Variants in CWC22 observed in about 807,000 individuals in gnomAD.
CWC22 encodes the protein CWC22 spliceosome associated protein, also known as pre-mRNA-splicing factor CWC22 homolog.
A neutral mutation model predicts 117.2 loss-of-function variants in CWC22; 53 were observed. The observed-to-expected ratio is 0.45, with a 90% CI of 0.36 to 0.57. The LOEUF (loss-of-function observed/expected upper bound fraction) is 0.57, where lower values mean the gene tolerates loss of function less well. Among genes scored for constraint, CWC22 ranks in the 20% least tolerant of loss-of-function variants. The probability of loss-of-function intolerance (pLI) is 0.00; values close to 1 mark genes in which losing one functional copy is unlikely to be tolerated. For synonymous variants in CWC22, 360 were observed against 355.6 expected (o/e 1.01, Z -0.14); for missense variants, 980 against 1,068.8 (o/e 0.92, Z 1.16).
intron 15 of CWC22, among the ~76,000 whole-genome samples, chr2:179,954,607 A>G (rs1177267621): frequency 6.6e-6 from 1 of 152,064 alleles, no homozygotes; most frequent in Non-Finnish European, 1.5e-5. Context: ...TAGAGCTTAA[A>G]GAAATATTTT....
Position 179,970,791 on chromosome 2 carries a change from T to C in CWC22, c.1006A>G (p.Ile336Val). 1.2e-6 allele frequency: 2 copies of C among 1,613,782 alleles called. No homozygotes were observed. The highest frequency in any genetic ancestry group is 1.7e-6 in the Non-Finnish European group (2 of 1,179,746). Residue 336 changes from isoleucine to valine, a missense_variant, in exon 10 of 20, where the codon ATT (isoleucine) becomes GTT (valine). By Grantham distance (29) the Ile-to-Val change is conservative (BLOSUM62 3). Transcript: ENST00000410053. ...TTCCGTACAGCAAACATCACTTCAA[T>C]CATATATTGAACTCTTTTGTCAATT... ...SEIDKRVQYM[I>V]EVMFAVRKDG...
At chr2:179,977,023 G>GT (rs1687171122) in intron 6 of CWC22, among the ~76,000 whole-genome samples, 2 of 152,112 alleles carry the variant, frequency 1.3e-5, no homozygotes, top group South Asian at 4.1e-4. Flanking sequence ...CAGTGTGGTG[G>GT]TGAGTGCTTG....
chr2:179,964,655 A>G lies in CWC22; in HGVS notation c.1316-27T>C, dbSNP rs16867124. The G allele has an allele frequency of 4.7e-3, 5,594 of 1,194,494 alleles. 194 individuals carry two copies. The African/African-American group carries it at 0.073, about 16-fold the overall frequency. The allele number at this position is 1,194,494 out of a possible 1,614,324, so 74.0% of individuals were successfully genotyped here. On this transcript the variant is annotated intron_variant, in intron 12 of 19. Coordinates refer to ENST00000410053, the MANE Select transcript of CWC22 (RefSeq NM_020943.3). ...TGAAAGAAACATAACAAAATTACAC[A>G]ACTGCAAAAATAAATGTGATGAAGT...
At chr2:179,986,386 A>G (rs192279093) in intron 4 of CWC22, among the ~76,000 whole-genome samples, 433 of 152,266 alleles carry the variant, frequency 2.8e-3, no homozygotes, top group African/African-American at 8.8e-3. Flanking sequence ...GGTACAATAC[A>G]ATGAATGAGC....
chr2:179,984,165 C>T (rs112133253), intron 4 of CWC22, among the ~76,000 whole-genome samples: 315 of 152,148 alleles, frequency 2.1e-3, no homozygotes, highest in African/African-American at 7.0e-3. Context: ...GTGAAAAATA[C>T]AGAAGCTTTG....
At chr2:179,982,102 A>C in intron 4 of CWC22, 105 bp from the exon 5 acceptor site, 1 of 654,760 alleles carries the variant, frequency 1.5e-6, no homozygotes, top group South Asian at 2.0e-5. Context: ...CCACAAATTC[A>C]GACTAGGAAA....
chr2:179,982,588 T>C (rs1234690984), intron 4 of CWC22, among the ~76,000 whole-genome samples: 1 of 152,238 alleles, frequency 6.6e-6, no homozygotes. Flanking sequence ...ATATTTGAAG[T>C]TGTTTCTTGA....
chr2:179,952,468 T>G lies in CWC22; in HGVS notation c.1817+3A>C. On this transcript the variant is annotated splice_donor_region_variant and intron_variant, in intron 17 of 19. Transcript: ENST00000410053. ...AATAAAAAGTGCTTAATGGCAAACTTACTCATCCTTTAATCTTGCATTAAG... is the reference window on the plus strand; with the variant it reads ...AATAAAAAGTGCTTAATGGCAAACTGACTCATCCTTTAATCTTGCATTAAG... 1 of 1,554,402 alleles carries G rather than the reference T, an allele frequency of 6.4e-7. No individual in the cohort carries two copies. The highest frequency in any genetic ancestry group is 8.7e-7 in the Non-Finnish European group (1 of 1,151,852).
intron 1 of CWC22, among the ~76,000 whole-genome samples, chr2:179,996,395 AT>A (rs1470782903): frequency 3.3e-5 from 5 of 152,208 alleles, no homozygotes; most frequent in African/African-American, 4.8e-5. Context: ...AAACTGAAAA[AT>A]ATATGAAATA....
chr2:179,970,393 C>G, intron 11 of CWC22, 108 bp downstream of exon 11: 1 of 1,112,612 alleles, frequency 9.0e-7, no homozygotes, highest in Non-Finnish European at 1.3e-6. Flanking sequence ...TTTATAAGAG[C>G]AGCGATTCAT....
chr2:180,004,808 A>G lies in CWC22; in HGVS notation c.-114+2059T>C, dbSNP rs148482103. On this transcript the variant is annotated intron_variant, in intron 1 of 19. Coordinates refer to ENST00000410053, the MANE Select transcript of CWC22 (RefSeq NM_020943.3). ...GTAGTCTAGGAAGTGTCAGAACTCC[A>G]AAAAGTGATTGGAGGTACCCTATCC... 5.7e-4 allele frequency among the ~76,000 whole-genome samples: 86 copies of G among 151,900 alleles called. 1 individual carries two copies. The East Asian group carries it at 0.015, about 27-fold the overall frequency.
chr2:180,004,236 C>T (rs1026261981), intron 1 of CWC22, among the ~76,000 whole-genome samples: 1 of 152,044 alleles, frequency 6.6e-6, no homozygotes, highest in Non-Finnish European at 1.5e-5. Flanking sequence ...TACAAGTGGA[C>T]AATAAATTGA....
At chr2:179,959,370 C>T (rs1330196471) in intron 13 of CWC22, among the ~76,000 whole-genome samples, 5 of 152,034 alleles carry the variant, frequency 3.3e-5, no homozygotes, top group African/African-American at 4.8e-5. Context: ...AATCTATGGA[C>T]ACAGAAAGTA....
At chr2:179,975,927 C>CA (rs1026978954) in intron 6 of CWC22, among the ~76,000 whole-genome samples, 4 of 152,124 alleles carry the variant, frequency 2.6e-5, no homozygotes, top group African/African-American at 9.7e-5. Context: ...CATGGAACCA[C>CA]AAAAAACTCC....
At chr2:179,996,975 A>C (rs1229158343) in intron 1 of CWC22, among the ~76,000 whole-genome samples, 5 of 152,216 alleles carry the variant, frequency 3.3e-5, no homozygotes, top group Non-Finnish European at 2.9e-5. Context: ...ACTACAAAAA[A>C]TGCTAAAATA....
chr2:179,945,706 A>T lies in CWC22; in HGVS notation c.2150T>A (p.Val717Glu). 1.9e-6 allele frequency: 3 copies of T among 1,574,572 alleles called. No homozygotes were observed. The highest frequency in any genetic ancestry group is 1.7e-6 in the Non-Finnish European group (2 of 1,160,136). ...GGTCTTCCCATGTCCCTTCTTTCTT[A>T]CATCATTAGCTGCGTGTGTAAAATA... is the stretch of plus-strand genomic sequence containing the variant. ...SSHSSASAND[V>E]RKKGHGKTRS... The change falls in exon 20 of 20, where the codon GTA (valine) becomes GAA (glutamate). Residue 717 changes from valine to glutamate, a missense_variant. Val to Glu is a moderately radical substitution (Grantham distance 121, BLOSUM62 -2). Coordinates refer to ENST00000410053, the MANE Select transcript of CWC22 (RefSeq NM_020943.3).
In CWC22 at chr2:179,945,270, T is replaced by TACTC. The variant is rs1209184241; in HGVS notation, c.2585_2586insGAGT (p.Gly863SerfsTer6). Reference sequence around the variant, plus strand: ...ATCTATCTTCATCACTTCTTGAGCCTGAGTGCTTTCTATTCATTTCCTTTG... The same window carrying TACTC: ...ATCTATCTTCATCACTTCTTGAGCCTACTCGAGTGCTTTCTATTCATTTCCTTTG... On this transcript the variant is annotated frameshift_variant, in exon 20 of 20. Coordinates refer to ENST00000410053, the MANE Select transcript of CWC22 (RefSeq NM_020943.3). LOFTEE classifies it high-confidence loss of function. 6.2e-7 allele frequency: 1 copy of TACTC among 1,613,820 alleles called. No individual in the cohort carries two copies. The highest frequency in any genetic ancestry group is 2.2e-5 in the East Asian group (1 of 44,860).
At chr2:179,965,542 A>C (rs1686867833) in intron 12 of CWC22, among the ~76,000 whole-genome samples, 1 of 152,254 alleles carries the variant, frequency 6.6e-6, no homozygotes, top group African/African-American at 2.4e-5. Context: ...CATGAACTCA[A>C]TAAGAAAACA....
intron 6 of CWC22, 86 bp from the exon 7 acceptor site, chr2:179,973,888 T>C (rs1687092107): frequency 1.5e-6 from 1 of 658,378 alleles, no homozygotes; most frequent in African/African-American, 1.9e-5. Context: ...TCAGTAATAT[T>C]TCTCTATAAG....
Sources: allele counts gnomAD v4.1 joint callset (sites outside exome capture counted in the v4.1 genomes callset), GRCh38; gene constraint gnomAD v4.1.1; transcripts MANE v1.5; gene names NCBI Gene and HGNC (gene_info 2026-07-23, HGNC 2026-07-21).